The following RERGL variants were observed in gnomAD, a reference collection of about 807,000 sequenced individuals.
RERGL encodes ras-related and estrogen-regulated growth inhibitor-like protein.
RERGL carries 22 observed loss-of-function variants against 24.7 expected under a neutral mutation model. The ratio of observed to expected loss-of-function variants is 0.89; its 90% CI spans 0.64 to 1.27. The LOEUF (loss-of-function observed/expected upper bound fraction) is 1.27, where lower values mean the gene tolerates loss of function less well. Among genes scored for constraint, RERGL ranks in the 50% most tolerant of loss-of-function variants. The pLI is 0.00. For missense variants in RERGL, 259 were observed against 235.3 expected, an observed-to-expected ratio of 1.10 and a Z score of -0.66; for synonymous variants, 76 against 82.6, an observed-to-expected ratio of 0.92 and a Z score of 0.43.
At position 18,081,468 on chromosome 12, in the gene RERGL, A is replaced by G. The variant is rs752805260; in HGVS notation, c.338T>C (p.Val113Ala). The change falls in exon 5 of 5, where the codon GTG (valine) becomes GCG (alanine). Residue 113 changes from valine to alanine, a missense_variant. By Grantham distance (64) the Val-to-Ala change is moderately conservative. Coordinates refer to ENST00000538724, the MANE Select transcript of RERGL (RefSeq NM_001286201.2). ...EPQTSHCKRA[V>A]ESAVFLVGNK... Reference sequence around the variant, plus strand: ...GCCAACCAAAAACACTGCTGATTCCACAGCTCTGAAATAGAGATACACAAT... The same window carrying G: ...GCCAACCAAAAACACTGCTGATTCCGCAGCTCTGAAATAGAGATACACAAT... The G allele has an allele frequency of 1.2e-6, 2 of 1,603,466 alleles. No homozygotes were observed. Among genetic ancestry groups the G allele is most frequent in the East Asian group, 4.5e-5 (2 of 44,626 alleles).
At position 18,090,153 on chromosome 12, in the gene RERGL, CT is replaced by C; in HGVS notation, c.-14del. ...TCACATCATTCATCTTGCTTTTCTG[CT>C]TCTTGGTCAGTCCTATTTTCTGGAA... On this transcript the variant is annotated 5_prime_UTR_variant, in exon 1 of 5. Coordinates refer to ENST00000538724, the MANE Select transcript of RERGL (RefSeq NM_001286201.2). 1.3e-6 allele frequency: 2 copies of C among 1,530,080 alleles called. No individual in the cohort carries two copies. Among genetic ancestry groups the C allele is most frequent in the Non-Finnish European group, 1.7e-6 (2 of 1,144,528 alleles). The allele number at this position is 1,530,080 out of a possible 1,614,324, so 94.8% of individuals were successfully genotyped here. A position where few individuals can be genotyped will look rare whatever the true frequency, so the allele number is the denominator to read the frequency against.
chr12:18,087,138 G>T (rs181391830), intron 2 of RERGL, among the ~76,000 whole-genome samples: 1 of 152,006 alleles, frequency 6.6e-6, no homozygotes, highest in African/African-American at 2.4e-5. Context: ...TTATCACAAA[G>T]CCTCCTAAGT....
At chr12:18,082,356 G>A (rs570771831) in intron 4 of RERGL, among the ~76,000 whole-genome samples, 2 of 152,206 alleles carry the variant, frequency 1.3e-5, no homozygotes, top group East Asian at 3.9e-4. Flanking sequence ...GGAGGAGGAA[G>A]AGGATCAGGA....
intron 4 of RERGL, 61 bp downstream of exon 4, chr12:18,084,456 T>A: frequency 6.7e-7 from 1 of 1,484,916 alleles, no homozygotes. Flanking sequence ...TTCCTAATGA[T>A]GCTTACAGCT....
At chr12:18,089,367 TA>T in intron 1 of RERGL, 1 of 1,417,460 alleles carries the variant, frequency 7.1e-7, no homozygotes. Context: ...TATTTGCAGT[TA>T]TTTAAGGATG....
Position 18,090,056 on chromosome 12 carries a change from C to T in RERGL, c.52+33G>A, listed in dbSNP as rs897555251. 14 of 1,505,512 alleles carry T rather than the reference C, an allele frequency of 9.3e-6. No individual in the cohort carries two copies. The African/African-American group carries it at 9.7e-5, about 10-fold the overall frequency. The allele number at this position is 1,505,512 out of a possible 1,614,324, so 93.3% of individuals were successfully genotyped here. A position where few individuals can be genotyped will look rare whatever the true frequency, so the allele number is the denominator to read the frequency against. ...GTCAATGTTTCTCACTCTTTCTACA[C>T]TCTATGATAACAGAGAAGATGTCAC... On this transcript the variant is annotated intron_variant, in intron 1 of 4. Transcript: ENST00000538724.
At chr12:18,087,238 C>A (rs577331215) in intron 2 of RERGL, among the ~76,000 whole-genome samples, 11 of 152,264 alleles carry the variant, frequency 7.2e-5, no homozygotes, top group African/African-American at 2.6e-4. Context: ...GTGGCCAGAT[C>A]ACATCACTTA....
rs528869213 is a variant in RERGL, at chr12:18,081,546, G to C, written c.333-73C>G. 4.1e-4 allele frequency: 344 copies of C among 837,482 alleles called. 2 individuals carry two copies. The highest frequency in any genetic ancestry group is 3.1e-3 in the African/African-American group (171 of 54,610). The allele number at this position is 837,482 out of a possible 1,614,324, so 51.9% of individuals were successfully genotyped here. On this transcript the variant is annotated intron_variant, in intron 4 of 4. Coordinates refer to ENST00000538724, the MANE Select transcript of RERGL (RefSeq NM_001286201.2). ...TTTTTTTAAAAAAAAAAAAAAAACA[G>C]ATTTATAACCAAAGGATTATAAATC... is the stretch of plus-strand genomic sequence containing the variant.
chr12:18,087,539 A>G (rs2069028), intron 2 of RERGL, among the ~76,000 whole-genome samples: 14,239 of 152,180 alleles, frequency 0.094, 719 homozygotes, highest in Middle Eastern at 0.18. Flanking sequence ...TAATATACAA[A>G]GTGGAGTCAT....
intron 4 of RERGL, among the ~76,000 whole-genome samples, chr12:18,083,403 C>T (rs572147257): frequency 3.9e-5 from 6 of 152,028 alleles, no homozygotes; most frequent in African/African-American, 7.2e-5. Flanking sequence ...TTTTTTAGTC[C>T]TGTCCCTTAC....
chr12:18,087,051 A>G (rs1287893924), intron 2 of RERGL, among the ~76,000 whole-genome samples: 1 of 152,210 alleles, frequency 6.6e-6, no homozygotes, highest in Non-Finnish European at 1.5e-5. Flanking sequence ...CCTTCAAAAT[A>G]TATTTTGAAT....
chr12:18,083,586 A>C (rs1391442473), intron 4 of RERGL, among the ~76,000 whole-genome samples: 1 of 152,104 alleles, frequency 6.6e-6, no homozygotes, highest in Non-Finnish European at 1.5e-5. Flanking sequence ...CTAGAGATTA[A>C]AGTGGCTTAC....
chr12:18,081,660 T>C (rs1330713574), intron 4 of RERGL, among the ~76,000 whole-genome samples, 187 bp from the exon 5 acceptor site: 1 of 151,984 alleles, frequency 6.6e-6, no homozygotes, highest in African/African-American at 2.4e-5. Flanking sequence ...TCATTTTAGA[T>C]AAAATGTAGT....
Position 18,085,884 on chromosome 12 carries a change from G to A in RERGL, c.110-191C>T, listed in dbSNP as rs1328120953. Among the ~76,000 whole-genome samples the A allele has an allele frequency of 3.1e-5, 4 of 127,472 alleles. No individual in the cohort carries two copies. In the Admixed American group the frequency reaches 3.7e-4, roughly 12 times the overall value. 83.6% of individuals were successfully genotyped at this position (127,472 alleles called of 152,430 possible). A position where few individuals can be genotyped will look rare whatever the true frequency, so the allele number is the denominator to read the frequency against. On this transcript the variant is annotated intron_variant, in intron 2 of 4. Coordinates refer to ENST00000538724, the MANE Select transcript of RERGL (RefSeq NM_001286201.2). ...TTTTTTTTTTTGAGCCACAGCCACA[G>A]TCTGTCTCTGTCACCTGGGCTGGAG...
At chr12:18,084,066 A>T (rs937866156) in intron 4 of RERGL, among the ~76,000 whole-genome samples, 20 of 152,184 alleles carry the variant, frequency 1.3e-4, no homozygotes, top group African/African-American at 4.6e-4. Flanking sequence ...TAGAATTTGT[A>T]AACAGTTTGA....
intron 2 of RERGL, among the ~76,000 whole-genome samples, chr12:18,088,304 C>T (rs1335007226): frequency 3.9e-5 from 6 of 151,914 alleles, no homozygotes; most frequent in Non-Finnish European, 8.8e-5. Context: ...TTGTGTTGTA[C>T]TATTTCCCAT....
chr12:18,085,031 G>C (rs973755862), intron 3 of RERGL, among the ~76,000 whole-genome samples: 2 of 151,682 alleles, frequency 1.3e-5, no homozygotes, highest in Non-Finnish European at 2.9e-5. Context: ...ATTGATTTTT[G>C]GTACTAGATT....
rs1225173700 is a variant in RERGL at position 18,088,197 on chromosome 12, AT to A, written c.109+702del. Among the ~76,000 whole-genome samples, 3 of 152,078 alleles carry A rather than the reference AT, an allele frequency of 2.0e-5. No individual in the cohort carries two copies. The East Asian group carries it at 5.8e-4, about 29-fold the overall frequency. Reference sequence around the variant, plus strand: ...AAAAAAGAAAAAAATTCATCTCCTCATTTCATTTCTTCAATTGGGTAAGATA... The same window carrying A: ...AAAAAAGAAAAAAATTCATCTCCTCATTCATTTCTTCAATTGGGTAAGATA... On this transcript the variant is annotated intron_variant, in intron 2 of 4. Coordinates refer to ENST00000538724, the MANE Select transcript of RERGL (RefSeq NM_001286201.2).
In RERGL at chr12:18,085,739, C is replaced by T. The variant is rs116193041; in HGVS notation, c.110-46G>A. 1.3e-3 allele frequency: 1,344 copies of T among 1,055,804 alleles called. 11 individuals carry two copies. The African/African-American group carries it at 0.02, about 16-fold the overall frequency. The allele number at this position is 1,055,804 out of a possible 1,614,324, so 65.4% of individuals were successfully genotyped here. A position where few individuals can be genotyped will look rare whatever the true frequency, so the allele number is the denominator to read the frequency against. ...ACTGTCAGTATGAAAATACTCCAAA[C>T]GTGAACTGATAAATTCAACCACTCA... On this transcript the variant is annotated intron_variant, in intron 2 of 4. Coordinates refer to ENST00000538724, the MANE Select transcript of RERGL (RefSeq NM_001286201.2).
Sources: gnomAD v4.1 joint callset for allele counts (sites outside exome capture counted in the v4.1 genomes callset) on GRCh38, gnomAD v4.1.1 for gene constraint, MANE v1.5 for transcripts, NCBI Gene and HGNC (gene_info 2026-07-23, HGNC 2026-07-21) for gene names.